Variants in ATP8A1 observed in about 807,000 individuals in gnomAD.
ATP8A1 encodes phospholipid-transporting ATPase IA.
A neutral mutation model predicts 177.7 loss-of-function variants in ATP8A1; 90 were observed. The observed-to-expected ratio is 0.51, with a 90% confidence interval of 0.43 to 0.60. The LOEUF is 0.60. ATP8A1 is among the 20% of genes least tolerant of loss of function. The pLI is 0.00. For synonymous variants in ATP8A1, 493 were observed against 485.9 expected (o/e 1.01, Z -0.19); for missense variants, 1,072 against 1,392.8 (o/e 0.77, Z 3.67).
intron 22 of ATP8A1, among the ~76,000 whole-genome samples, chr4:42,517,166 T>C (rs1407136476): frequency 6.6e-6 from 1 of 151,482 alleles, no homozygotes; most frequent in African/African-American, 2.4e-5. Flanking sequence ...CTGGGTGTGG[T>C]GGCGGGCGCC....
In ATP8A1 at chr4:42,434,232, TTAAG is replaced by T. The variant is rs149568315; in HGVS notation, c.3123+9329_3123+9332del. Among the ~76,000 whole-genome samples the T allele has an allele frequency of 1.2e-3, 177 of 152,346 alleles. 1 individual carries two copies. Among genetic ancestry groups the T allele is most frequent in the African/African-American group, 4.1e-3 (172 of 41,582 alleles). On this transcript the variant is annotated intron_variant, in intron 33 of 36. Transcript: ENST00000381668. ...AAAATTTTAAAATACTATGATGTTA[TTAAG>T]TAAGTTGTATGAGACAGGGTATGAT...
At chr4:42,430,778 A>T (rs1379955536) in intron 33 of ATP8A1, among the ~76,000 whole-genome samples, 3 of 152,006 alleles carry the variant, frequency 2.0e-5, no homozygotes, top group Non-Finnish European at 4.4e-5. Context: ...TAGTGCTTTT[A>T]CTAGTCACCC....
At chr4:42,550,504 G>C (rs1483062154) in intron 18 of ATP8A1, among the ~76,000 whole-genome samples, 1 of 152,136 alleles carries the variant, frequency 6.6e-6, no homozygotes, top group Non-Finnish European at 1.5e-5. Flanking sequence ...ACCTCAATTA[G>C]ACAACTCTGT....
At chr4:42,509,178 C>T (rs1724739442) in intron 22 of ATP8A1, among the ~76,000 whole-genome samples, 2 of 152,180 alleles carry the variant, frequency 1.3e-5, no homozygotes, top group South Asian at 4.1e-4. Context: ...TGACCTCTCC[C>T]AATGTCCCAA....
At chr4:42,615,394 G>A (rs1304624482) in intron 5 of ATP8A1, among the ~76,000 whole-genome samples, 1 of 152,048 alleles carries the variant, frequency 6.6e-6, no homozygotes, top group Non-Finnish European at 1.5e-5. Context: ...ATTCTCAGAT[G>A]GGGCAAATTC....
chr4:42,617,288 G>C (rs1294260042), intron 4 of ATP8A1, among the ~76,000 whole-genome samples: 1 of 152,174 alleles, frequency 6.6e-6, no homozygotes, highest in African/African-American at 2.4e-5. Context: ...CATTCAAAAT[G>C]CCTCTGCGAA....
rs769492190 is a variant in ATP8A1 at position 42,455,474 on chromosome 4, T to C, written c.2694+51A>G. ...AGCAGCCAAATGCAGGGTGAACCTT[T>C]ATCTCCCAAGTATTCAATGAAACAG... is the stretch of plus-strand genomic sequence containing the variant. On this transcript the variant is annotated intron_variant, in intron 28 of 36. Coordinates refer to ENST00000381668, the MANE Select transcript of ATP8A1 (RefSeq NM_006095.2). The C allele has an allele frequency of 1.9e-5, 30 of 1,613,562 alleles. No individual in the cohort carries two copies. In the South Asian group the frequency reaches 3.3e-4, roughly 18 times the overall value.
chr4:42,524,671 C>G, intron 21 of ATP8A1, 92 bp downstream of exon 21: 2 of 742,156 alleles, frequency 2.7e-6, no homozygotes, highest in East Asian at 2.8e-5. Flanking sequence ...TTAGGAATCT[C>G]TAAGTCTAAT....
chr4:42,537,929 A>G (rs1249387061), intron 20 of ATP8A1, among the ~76,000 whole-genome samples: 2 of 152,222 alleles, frequency 1.3e-5, no homozygotes, highest in Non-Finnish European at 2.9e-5. Context: ...GTATGGAACC[A>G]CAAAAGAGCC....
chr4:42,552,129 C>A (rs1335179970), intron 17 of ATP8A1, among the ~76,000 whole-genome samples: 1 of 152,192 alleles, frequency 6.6e-6, no homozygotes, highest in South Asian at 2.1e-4. Flanking sequence ...TATAAGCTTA[C>A]TATATTCAGG....
At chr4:42,471,159 T>C (rs150224994) in intron 25 of ATP8A1, among the ~76,000 whole-genome samples, 194 of 152,334 alleles carry the variant, frequency 1.3e-3, no homozygotes, top group African/African-American at 4.3e-3. Context: ...AACAGCAGCT[T>C]ACATAGCAAG....
intron 8 of ATP8A1, among the ~76,000 whole-genome samples, chr4:42,587,692 C>T (rs577687845): frequency 7.2e-5 from 11 of 151,836 alleles, no homozygotes; most frequent in South Asian, 4.2e-4. Context: ...CTGCAAGCTC[C>T]GCCTCCCGGG....
intron 6 of ATP8A1, among the ~76,000 whole-genome samples, chr4:42,599,775 TAAG>T (rs953742558): frequency 1.3e-5 from 2 of 152,186 alleles, no homozygotes; most frequent in Non-Finnish European, 2.9e-5. Context: ...TAAAGTGCCC[TAAG>T]AAGGGTGGCT....
chr4:42,488,924 T>C (rs988477993), intron 24 of ATP8A1, among the ~76,000 whole-genome samples: 2 of 152,222 alleles, frequency 1.3e-5, no homozygotes, highest in African/African-American at 4.8e-5. Flanking sequence ...CAGATGCTCA[T>C]GAAATACATA....
intron 20 of ATP8A1, among the ~76,000 whole-genome samples, chr4:42,539,688 A>T (rs1728195560): frequency 6.6e-6 from 1 of 152,186 alleles, no homozygotes; most frequent in Non-Finnish European, 1.5e-5. Context: ...CATACACTGG[A>T]GAAAGGTCAT....
intron 19 of ATP8A1, among the ~76,000 whole-genome samples, chr4:42,548,349 G>T (rs966679861): frequency 6.6e-6 from 1 of 152,128 alleles, no homozygotes; most frequent in Non-Finnish European, 1.5e-5. Context: ...TAAGACGCAT[G>T]GCCGTATACG....
intron 12 of ATP8A1, among the ~76,000 whole-genome samples, chr4:42,577,464 C>A (rs1304620997): frequency 1.7e-4 from 25 of 151,504 alleles, no homozygotes; most frequent in Admixed American, 1.6e-3. Flanking sequence ...TTTTCGAAAC[C>A]CTAATATTGT....
chr4:42,588,232 T>C (rs377228497), intron 8 of ATP8A1, 28 bp downstream of exon 8: 80 of 1,552,614 alleles, frequency 5.2e-5, no homozygotes, highest in Non-Finnish European at 6.7e-5. Context: ...ATAGCAGTGA[T>C]TATACATATA....
intron 5 of ATP8A1, among the ~76,000 whole-genome samples, chr4:42,605,029 C>A (rs555179542): frequency 1.3e-5 from 2 of 152,288 alleles, no homozygotes; most frequent in South Asian, 4.1e-4. Flanking sequence ...GAAAGAAAGA[C>A]TGACTGTTTA....
Sources: gnomAD v4.1 joint callset for allele counts (sites outside exome capture counted in the v4.1 genomes callset) on GRCh38, gnomAD v4.1.1 for gene constraint, MANE v1.5 for transcripts, NCBI Gene and HGNC (gene_info 2026-07-23, HGNC 2026-07-21) for gene names.